The following CARMIL1 variants were observed in gnomAD, a reference collection of about 807,000 sequenced individuals.
CARMIL1 encodes capping protein regulator and myosin 1 linker 1.
Under a neutral mutation model 177.1 loss-of-function variants are expected in CARMIL1, and 90 were observed. The ratio of observed to expected loss-of-function variants is 0.51; its 90% CI spans 0.43 to 0.61. The LOEUF is 0.61. Among genes scored for constraint, CARMIL1 ranks in the 20% least tolerant of loss-of-function variants. The pLI is 0.00. For synonymous variants in CARMIL1, 577 were observed against 606.2 expected (o/e 0.95, Z 0.71); for missense variants, 1,380 against 1,667.0 (o/e 0.83, Z 3.00).
intron 29 of CARMIL1, among the ~76,000 whole-genome samples, chr6:25,562,855 G>C (rs1408716556): frequency 6.6e-6 from 1 of 152,150 alleles, no homozygotes; most frequent in Non-Finnish European, 1.5e-5. Flanking sequence ...TTGGGCACCT[G>C]ACTTGTTGAT....
chr6:25,549,968 A>G (rs1347814822), intron 26 of CARMIL1, among the ~76,000 whole-genome samples: 1 of 152,228 alleles, frequency 6.6e-6, no homozygotes, highest in African/African-American at 2.4e-5. Flanking sequence ...TAATCCTATG[A>G]GGTGAGAACG....
At chr6:25,550,445 T>C (rs1248482584) in intron 26 of CARMIL1, among the ~76,000 whole-genome samples, 1 of 152,138 alleles carries the variant, frequency 6.6e-6, no homozygotes, top group Non-Finnish European at 1.5e-5. Flanking sequence ...GATAGAGCAA[T>C]TGAATGGTTC....
chr6:25,560,037 G>A (rs1810969690), intron 29 of CARMIL1, among the ~76,000 whole-genome samples: 1 of 152,088 alleles, frequency 6.6e-6, no homozygotes, highest in Non-Finnish European at 1.5e-5. Context: ...TAATCCATAC[G>A]ATTGATTTCT....
rs757443584 is a variant in CARMIL1, at chr6:25,606,091, A to G, written c.3665A>G (p.Asn1222Ser). 2.5e-6 allele frequency: 4 copies of G among 1,613,788 alleles called. No individual in the cohort carries two copies. The highest frequency in any genetic ancestry group is 1.7e-6 in the Non-Finnish European group (2 of 1,179,812). ...AAACTGCACCCAGGTCTTCCAGAGA[A>G]CCGCTTTGGTTTGGGAACACCAGAA... is the stretch of plus-strand genomic sequence containing the variant. ...VPKLHPGLPE[N>S]RFGLGTPEKN... Residue 1222 changes from asparagine to serine, a missense_variant, in exon 35 of 37, where the codon AAC becomes AGC. Coordinates refer to ENST00000329474, the MANE Select transcript of CARMIL1 (RefSeq NM_017640.6).
At position 25,440,898 on chromosome 6, in the gene CARMIL1, G is replaced by T. The variant is rs140801250; in HGVS notation, c.371+5294G>T. On this transcript the variant is annotated intron_variant, in intron 5 of 36. Coordinates refer to ENST00000329474, the MANE Select transcript of CARMIL1 (RefSeq NM_017640.6). ...TAGGGTACCTCTGGTGGTGACTGAT[G>T]AACAGAAAAGGGTCTCATGAGGAGG... 2.2e-3 allele frequency among the ~76,000 whole-genome samples: 341 copies of T among 152,068 alleles called. 2 individuals are homozygous for T. The highest frequency in any genetic ancestry group is 0.017 in the Middle Eastern group (5 of 294).
intron 11 of CARMIL1, among the ~76,000 whole-genome samples, chr6:25,482,043 T>C (rs946034982): frequency 7.2e-5 from 11 of 152,320 alleles, no homozygotes; most frequent in African/African-American, 2.6e-4. Context: ...AGATATTGTA[T>C]GCCTAATAAG....
intron 31 of CARMIL1, among the ~76,000 whole-genome samples, chr6:25,584,603 T>G (rs78341453): frequency 0.086 from 13,024 of 151,908 alleles, 702 homozygotes; most frequent in East Asian, 0.13. Context: ...ATTTTTATGC[T>G]AAGTTTGATG....
intron 2 of CARMIL1, among the ~76,000 whole-genome samples, chr6:25,370,985 T>C (rs1247245974): frequency 6.6e-6 from 1 of 152,160 alleles, no homozygotes. Context: ...ACCCATAGTT[T>C]AGCTCCCACT....
At position 25,606,154 on chromosome 6, in the gene CARMIL1, C is replaced by G. The variant is rs760954711; in HGVS notation, c.3728C>G (p.Ser1243Cys). The G allele has an allele frequency of 8.1e-6, 13 of 1,613,966 alleles. No individual in the cohort carries two copies. Among genetic ancestry groups the G allele is most frequent in the Middle Eastern group, 1.6e-4 (1 of 6,062 alleles). ...GCAGAACCCAAAGCGGAAGCAGGCT[C>G]CAGGTCTCGGAGCTCATCCAGCACA... is the stretch of plus-strand genomic sequence containing the variant. ...TKAEPKAEAG[S>C]RSRSSSSTPT... is the part of the protein sequence containing the mutation. Residue 1243 changes from serine to cysteine, a missense_variant, in exon 35 of 37, where the codon TCC becomes TGC. By Grantham distance (112) the Ser-to-Cys change is moderately radical. Coordinates refer to ENST00000329474, the MANE Select transcript of CARMIL1 (RefSeq NM_017640.6).
intron 2 of CARMIL1, among the ~76,000 whole-genome samples, chr6:25,304,558 A>T (rs539109104): frequency 2.1e-4 from 32 of 152,272 alleles, no homozygotes; most frequent in African/African-American, 5.8e-4. Flanking sequence ...TCACGCTCCT[A>T]TGAGAATCAA....
At chr6:25,581,187 T>C in intron 30 of CARMIL1, 56 bp from the exon 31 acceptor site, 24 of 1,512,496 alleles carry the variant, frequency 1.6e-5, no homozygotes, top group Non-Finnish European at 2.1e-5. Context: ...TATCCATCTC[T>C]ATGCATTAAG....
intron 2 of CARMIL1, among the ~76,000 whole-genome samples, chr6:25,367,920 C>G (rs769936981): frequency 2.0e-5 from 3 of 152,168 alleles, no homozygotes. Flanking sequence ...CCACCATACC[C>G]GGCTGATTTT....
At chr6:25,505,204 G>T (rs1282050593) in intron 17 of CARMIL1, among the ~76,000 whole-genome samples, 1 of 152,112 alleles carries the variant, frequency 6.6e-6, no homozygotes, top group Non-Finnish European at 1.5e-5. Context: ...CTGATTTTTT[G>T]ATGCAAGACA....
chr6:25,552,481 A>G (rs1249962773), intron 27 of CARMIL1, among the ~76,000 whole-genome samples: 1 of 152,166 alleles, frequency 6.6e-6, no homozygotes, highest in African/African-American at 2.4e-5. Flanking sequence ...TTTATAATGC[A>G]TTATACTGAA....
At chr6:25,603,056 A>G (rs1241313168) in intron 33 of CARMIL1, among the ~76,000 whole-genome samples, 1 of 152,244 alleles carries the variant, frequency 6.6e-6, no homozygotes, top group East Asian at 1.9e-4. Context: ...AACTTTAAAA[A>G]TCTGGGAGGG....
At chr6:25,344,812 C>T (rs754185872) in intron 2 of CARMIL1, among the ~76,000 whole-genome samples, 18 of 152,148 alleles carry the variant, frequency 1.2e-4, no homozygotes, top group Admixed American at 2.0e-4. Context: ...TCCATCTACA[C>T]GTACCTTCTC....
intron 33 of CARMIL1, among the ~76,000 whole-genome samples, chr6:25,603,476 G>A (rs1815631958): frequency 6.6e-6 from 1 of 152,198 alleles, no homozygotes; most frequent in Non-Finnish European, 1.5e-5. Context: ...CTCCTGGGGA[G>A]TGTGTGACTG....
chr6:25,373,609 A>T, intron 2 of CARMIL1, among the ~76,000 whole-genome samples: 2 of 147,460 alleles, frequency 1.4e-5, no homozygotes, highest in Non-Finnish European at 3.0e-5. Context: ...TTTTTGACAG[A>T]GTCTCGCTTT....
chr6:25,431,953 A>G (rs1036545256), intron 4 of CARMIL1, among the ~76,000 whole-genome samples: 3 of 152,214 alleles, frequency 2.0e-5, no homozygotes, highest in African/African-American at 7.2e-5. Flanking sequence ...GAGACTGGCA[A>G]TACTAGTAAC....
Sources: gnomAD v4.1 joint callset for allele counts (sites outside exome capture counted in the v4.1 genomes callset) on GRCh38, gnomAD v4.1.1 for gene constraint, MANE v1.5 for transcripts, NCBI Gene and HGNC (gene_info 2026-07-23, HGNC 2026-07-21) for gene names.